Variants in CFAP47 observed in about 807,000 individuals in gnomAD.
CFAP47 encodes the protein cilia- and flagella-associated protein 47.
CFAP47 carries 29 observed loss-of-function variants against 148.1 expected under a neutral mutation model. The ratio of observed to expected loss-of-function variants is 0.20; its 90% CI spans 0.15 to 0.27. The LOEUF is 0.27. CFAP47 is among the 10% of genes least tolerant of loss of function. CFAP47 has a pLI of 1.00. For missense variants in CFAP47, 1,872 were observed against 1,697.5 expected (o/e 1.10, Z -1.81); for synonymous variants, 664 against 577.3 (o/e 1.15, Z -2.15).
intron 30 of CFAP47, among the ~76,000 whole-genome samples, chrX:36,097,117 A>C (rs943074117): frequency 8.9e-6 from 1 of 111,862 alleles, no homozygotes; most frequent in Non-Finnish European, 1.9e-5. Context: ...GAAACAAGCG[A>C]AAAGAAAACT....
intron 29 of CFAP47, among the ~76,000 whole-genome samples, chrX:36,079,595 T>C (rs1004820763): frequency 4.5e-5 from 5 of 111,339 alleles, no homozygotes; most frequent in African/African-American, 1.6e-4. Context: ...TTGTTCAAGA[T>C]TTTTAGCTTC....
At chrX:36,023,502 A>G (rs1057252930) in intron 22 of CFAP47, among the ~76,000 whole-genome samples, 2 of 111,748 alleles carry the variant, frequency 1.8e-5, no homozygotes, top group African/African-American at 6.5e-5. Context: ...GTACAATCAG[A>G]TGGTGGCAAA....
chrX:36,257,099 A>G (rs1302355587), intron 49 of CFAP47, among the ~76,000 whole-genome samples: 6 of 112,407 alleles, frequency 5.3e-5, no homozygotes, highest in African/African-American at 1.9e-4. Context: ...GTGAACTTCT[A>G]CATGTAAGCA....
chrX:36,180,929 A>C (rs1939742863), intron 40 of CFAP47, among the ~76,000 whole-genome samples: 1 of 112,221 alleles, frequency 8.9e-6, no homozygotes. Context: ...TGTAGATGTG[A>C]AATTCAAGTT....
chrX:36,150,007 A>G (rs1939288831), intron 37 of CFAP47, among the ~76,000 whole-genome samples: 1 of 110,886 alleles, frequency 9.0e-6, no homozygotes, highest in Non-Finnish European at 1.9e-5. Flanking sequence ...CCAGAAAATA[A>G]AAGGTTCATA....
At chrX:36,257,064 G>C (rs782160004) in intron 49 of CFAP47, among the ~76,000 whole-genome samples, 2 of 112,469 alleles carry the variant, frequency 1.8e-5, no homozygotes, top group African/African-American at 6.4e-5. Context: ...TAAAGCCTTA[G>C]TATAGGACTT....
At chrX:36,154,128 T>C (rs1939339625) in intron 37 of CFAP47, among the ~76,000 whole-genome samples, 1 of 112,322 alleles carries the variant, frequency 8.9e-6, no homozygotes, top group South Asian at 3.7e-4. Context: ...CTTTTCAATA[T>C]GGATAAGCTA....
intron 2 of CFAP47, among the ~76,000 whole-genome samples, chrX:35,933,198 AC>A (rs1313649854): frequency 9.4e-6 from 1 of 106,813 alleles, no homozygotes; most frequent in Non-Finnish European, 1.9e-5. Flanking sequence ...ACACGCATTA[AC>A]CCTCCCCCTT....
chrX:36,105,974 G>A (rs1938460005), intron 33 of CFAP47, among the ~76,000 whole-genome samples: 1 of 111,983 alleles, frequency 8.9e-6, no homozygotes, highest in Admixed American at 9.5e-5. Flanking sequence ...TGAGTCCAAT[G>A]CCTTTACAAA....
At chrX:36,234,892 T>C (rs782332914) in intron 46 of CFAP47, among the ~76,000 whole-genome samples, 1 of 111,913 alleles carries the variant, frequency 8.9e-6, no homozygotes, top group African/African-American at 3.2e-5. Flanking sequence ...CCAGACCCTG[T>C]TTGCCTGGGT....
chrX:36,172,553 T>C (rs1385518699), intron 39 of CFAP47, among the ~76,000 whole-genome samples: 2 of 110,664 alleles, frequency 1.8e-5, no homozygotes, highest in African/African-American at 6.6e-5. Flanking sequence ...TCTATTGAGA[T>C]AATCATGTGG....
chrX:36,015,958 T>C (rs966845887), intron 22 of CFAP47, among the ~76,000 whole-genome samples: 2 of 111,140 alleles, frequency 1.8e-5, no homozygotes, highest in Admixed American at 1.9e-4. Flanking sequence ...GTGATCTTAC[T>C]GCTTATGCTA....
Position 36,366,975 on chromosome X carries a change from A to C in CFAP47, c.9033A>C (p.Ile3011=). Reference sequence around the variant, plus strand: ...TCCTTTTATATTCAAGGTCTCACATAACACTGAAAATAGAGTGCGTAACAG... The same window carrying C: ...TCCTTTTATATTCAAGGTCTCACATCACACTGAAAATAGAGTGCGTAACAG... ...FTPKKPLRSH[I]TLKIECVTEG... The change falls in exon 62 of 64, where the codon ATA becomes ATC. Residue 3011 remains isoleucine (I), a synonymous_variant. Transcript: ENST00000378653. 2 of 1,134,384 alleles carry C rather than the reference A, an allele frequency of 1.8e-6. No individual in the cohort carries two copies. Among genetic ancestry groups the C allele is most frequent in the South Asian group, 4.3e-5 (2 of 46,358 alleles). 93.5% of individuals were successfully genotyped at this position (1,134,384 alleles called of 1,213,427 possible).
At position 35,932,906 on chromosome X, in the gene CFAP47, G is replaced by A. The variant is rs371529934; in HGVS notation, c.401+6738G>A. Among the ~76,000 whole-genome samples the A allele has an allele frequency of 2.7e-5, 3 of 111,506 alleles. No individual in the cohort carries two copies. In the South Asian group the frequency reaches 1.1e-3, roughly 42 times the overall value. The stretch of plus-strand genomic sequence containing the variant: ...TCCCAAAGTGCTGGCATTCAGGTGT[G>A]AGCTGCCATGCCTGGCCATATTTAA... On this transcript the variant is annotated intron_variant, in intron 2 of 63. Transcript: ENST00000378653.
At chrX:35,928,877 C>T (rs1299921249) in intron 2 of CFAP47, among the ~76,000 whole-genome samples, 1 of 110,610 alleles carries the variant, frequency 9.0e-6, no homozygotes, top group East Asian at 2.8e-4. Context: ...TATAGATGTT[C>T]AATTGCTCTG....
In CFAP47 at chrX:36,235,982, G is replaced by C; in HGVS notation, c.7063G>C (p.Glu2355Gln). The change falls in exon 47 of 64, where the codon GAA becomes CAA. Residue 2355 changes from glutamate to glutamine, a missense_variant. Coordinates refer to ENST00000378653, the MANE Select transcript of CFAP47 (RefSeq NM_001304548.2). ...KWTFQVTIEG[E>Q]WFYGPVDLHV... ...GACCTTTCAAGTTACTATAGAAGGA[G>C]AATGGTTTTATGGACCTGTTGATTT... 1 of 514,352 alleles carries C rather than the reference G, an allele frequency of 1.9e-6. No homozygotes were observed. Among genetic ancestry groups the C allele is most frequent in the African/African-American group, 2.3e-5 (1 of 43,570 alleles). The allele number at this position is 514,352 out of a possible 1,213,427, so 42.4% of individuals were successfully genotyped here.
In CFAP47 at chrX:36,041,074, A is replaced by T. The variant is rs188906891; in HGVS notation, c.4007+1895A>T. 2.3e-3 allele frequency among the ~76,000 whole-genome samples: 260 copies of T among 111,901 alleles called. 2 individuals are homozygous for T. The highest frequency in any genetic ancestry group is 6.8e-4 in the Non-Finnish European group (36 of 53,176). On this transcript the variant is annotated intron_variant, in intron 25 of 63. Coordinates refer to ENST00000378653, the MANE Select transcript of CFAP47 (RefSeq NM_001304548.2). ...TTAAACATTCAGCTTTATAAGTAAGATTACAAATAATAGCCTCTTAGACTA... is the reference window on the plus strand; with the variant it reads ...TTAAACATTCAGCTTTATAAGTAAGTTTACAAATAATAGCCTCTTAGACTA...
At chrX:36,038,384 C>T (rs1937363456) in intron 24 of CFAP47, among the ~76,000 whole-genome samples, 1 of 112,305 alleles carries the variant, frequency 8.9e-6, no homozygotes. Flanking sequence ...AAACTGTCCC[C>T]AGAAACTAGC....
chrX:36,096,993 G>T (rs1010831389), intron 30 of CFAP47, among the ~76,000 whole-genome samples: 1 of 110,340 alleles, frequency 9.1e-6, no homozygotes, highest in Non-Finnish European at 1.9e-5. Context: ...TTGTGTATCT[G>T]TCATATGTTT....
Sources: gnomAD v4.1 joint callset for allele counts (sites outside exome capture counted in the v4.1 genomes callset) on GRCh38, gnomAD v4.1.1 for gene constraint, MANE v1.5 for transcripts, NCBI Gene and HGNC (gene_info 2026-07-23, HGNC 2026-07-21) for gene names.